CHKA: variants seen among roughly 807,000 people sequenced by gnomAD.
The protein encoded by CHKA is CHETK-alpha.
In CHKA, 34 loss-of-function variants were observed where a neutral mutation model predicts 60.1. The ratio of observed to expected loss-of-function variants is 0.57; its 90% CI spans 0.43 to 0.75. CHKA has a LOEUF of 0.75. CHKA is among the 30% of genes least tolerant of loss of function. The pLI is 0.00. For synonymous variants in CHKA, 217 were observed against 223.1 expected (o/e 0.97, Z 0.24); for missense variants, 563 against 561.3 (o/e 1.00, Z -0.03).
rs577313470 is a variant in CHKA, at chr11:68,078,443, G to A, written c.516+2961C>T. ...AGATTTGGCAATATGGAACCTGTTG[G>A]TGACAAAAAAAAGAACAGCTTCAGA... On this transcript the variant is annotated intron_variant, in intron 3 of 11. Transcript: ENST00000265689. Among the ~76,000 whole-genome samples, 14 of 152,250 alleles carry A rather than the reference G, an allele frequency of 9.2e-5. No homozygotes were observed. The South Asian group carries it at 2.1e-3, about 23-fold the overall frequency.
intron 4 of CHKA, among the ~76,000 whole-genome samples, 200 bp from the exon 5 acceptor site, chr11:68,071,057 G>A (rs755907632): frequency 1.3e-5 from 2 of 152,174 alleles, no homozygotes; most frequent in Non-Finnish European, 2.9e-5. Flanking sequence ...GTGAGGAGCC[G>A]GCCACCTCCA....
intron 11 of CHKA, chr11:68,061,376 G>A (rs997229176): frequency 5.4e-6 from 1 of 186,090 alleles, no homozygotes; most frequent in South Asian, 1.0e-4. Flanking sequence ...GAAGTGCTGG[G>A]ATTACAGGCG....
intron 1 of CHKA, among the ~76,000 whole-genome samples, chr11:68,104,148 G>A (rs908059269): frequency 6.6e-6 from 1 of 152,090 alleles, no homozygotes; most frequent in Admixed American, 6.6e-5. Context: ...ATCCTATTAA[G>A]CCTTATAAAA....
At chr11:68,054,956 GTC>G (rs1050538097) in intron 11 of CHKA, among the ~76,000 whole-genome samples, 94 of 152,316 alleles carry the variant, frequency 6.2e-4, no homozygotes, top group African/African-American at 2.1e-3. Context: ...TCAGCGTGCT[GTC>G]TCTGAGTGGC....
chr11:68,072,755 G>A (rs1043998511), intron 4 of CHKA, among the ~76,000 whole-genome samples: 1 of 152,078 alleles, frequency 6.6e-6, no homozygotes, highest in East Asian at 1.9e-4. Context: ...GACTTAGGAG[G>A]CTGAGACAGG....
chr11:68,083,875 G>A (rs372343861), intron 2 of CHKA, among the ~76,000 whole-genome samples: 6 of 152,182 alleles, frequency 3.9e-5, no homozygotes, highest in African/African-American at 9.6e-5. Context: ...AGTGTAAGAC[G>A]AGGAAATCTC....
chr11:68,076,076 A>C (rs534685745), intron 3 of CHKA, among the ~76,000 whole-genome samples: 8 of 152,360 alleles, frequency 5.3e-5, no homozygotes, highest in Middle Eastern at 3.4e-3. Context: ...CATTAAAGCA[A>C]AAAGTATTTT....
intron 4 of CHKA, among the ~76,000 whole-genome samples, chr11:68,072,245 C>G (rs960323606): frequency 6.6e-6 from 1 of 152,116 alleles, no homozygotes; most frequent in Non-Finnish European, 1.5e-5. Flanking sequence ...TGATCCCAAG[C>G]AGTGAAGAGT....
chr11:68,081,704 C>T (rs1856995296), intron 2 of CHKA: 4 of 406,866 alleles, frequency 9.8e-6, no homozygotes, highest in Non-Finnish European at 1.8e-5. Context: ...GATAGCTGCA[C>T]GTCTCACAGC....
chr11:68,104,326 G>A (rs1857837058), intron 1 of CHKA, among the ~76,000 whole-genome samples: 1 of 152,120 alleles, frequency 6.6e-6, no homozygotes, highest in South Asian at 2.1e-4. Context: ...CAGAGGCGAG[G>A]GGAGGGGAGA....
chr11:68,109,468 AC>A (rs1009759582), intron 1 of CHKA, among the ~76,000 whole-genome samples: 1 of 152,040 alleles, frequency 6.6e-6, no homozygotes, highest in African/African-American at 2.4e-5. Context: ...CCAGTGTCTA[AC>A]CTGTTGGGAT....
chr11:68,061,033 A>G (rs532920961), intron 11 of CHKA, among the ~76,000 whole-genome samples: 1 of 148,776 alleles, frequency 6.7e-6, no homozygotes, highest in East Asian at 2.0e-4. Context: ...TTCATTCACT[A>G]TGGAACAACA....
chr11:68,064,598 G>C lies in CHKA; in HGVS notation c.1159C>G (p.Gln387Glu). 1 of 1,595,096 alleles carries C rather than the reference G, an allele frequency of 6.3e-7. No individual in the cohort carries two copies. Among genetic ancestry groups the C allele is most frequent in the Non-Finnish European group, 8.5e-7 (1 of 1,172,804 alleles). Residue 387 changes from glutamine (Q) to glutamate (E), a missense_variant, in exon 10 of 12, where the codon CAA becomes GAA. Coordinates refer to ENST00000265689, the MANE Select transcript of CHKA (RefSeq NM_001277.3). ...HFISSYLPAF[Q>E]NDFENLSTEE... ...GTACTGAGGTTTTCAAAGTCATTTT[G>C]GAATGCAGGCAAGTAACTGGAAATA...
intron 2 of CHKA, among the ~76,000 whole-genome samples, chr11:68,094,849 A>C (rs1467172466): frequency 6.6e-6 from 1 of 152,224 alleles, no homozygotes; most frequent in Non-Finnish European, 1.5e-5. Flanking sequence ...TTTAGATCTT[A>C]ACCATTTCCA....
chr11:68,082,259 C>T (rs1423207229), intron 2 of CHKA, among the ~76,000 whole-genome samples: 3 of 151,768 alleles, frequency 2.0e-5, no homozygotes, highest in Non-Finnish European at 2.9e-5. Flanking sequence ...AGCAACCCCC[C>T]ACCCCAAATG....
At position 68,066,449 on chromosome 11, in the gene CHKA, T is replaced by C; in HGVS notation, c.996A>G (p.Glu332=). ...EKQKLMLIDF[E]YSSYNYRGFD... ...AGTACCTGTAATTGTAACTGCTGTATTCGAAATCAATGAGCATCAGTTTCT... is the reference window on the plus strand; with the variant it reads ...AGTACCTGTAATTGTAACTGCTGTACTCGAAATCAATGAGCATCAGTTTCT... The change falls in exon 8 of 12, where the codon GAA becomes GAG. Residue 332 remains glutamate, a synonymous_variant. Coordinates refer to ENST00000265689, the MANE Select transcript of CHKA (RefSeq NM_001277.3). The C allele has an allele frequency of 1.2e-6, 2 of 1,613,784 alleles. No homozygotes were observed. Among genetic ancestry groups the C allele is most frequent in the Non-Finnish European group, 8.5e-7 (1 of 1,179,608 alleles).
chr11:68,062,162 A>G (rs1667046970), intron 10 of CHKA, 128 bp from the exon 11 acceptor site: 1 of 659,972 alleles, frequency 1.5e-6, no homozygotes, highest in Non-Finnish European at 2.7e-6. Context: ...TTGGCAAATC[A>G]TGGGTCTATA....
chr11:68,121,087 GCGCCGGGGCCGCGCTGC>G lies in CHKA; in HGVS notation c.74_90del (p.Gly25AlafsTer91). ...GCGTCGCGCTGCTGCCCCACGCCGG[GCGCCGGGGCCGCGCTGC>G]CGCTACCGCAGCTCAGCAGCAGCCC... On this transcript the variant is annotated frameshift_variant, in exon 1 of 12. Transcript: ENST00000265689. LOFTEE classifies it high-confidence loss of function. The G allele has an allele frequency of 8.8e-7, 1 of 1,141,052 alleles. No individual in the cohort carries two copies. Among genetic ancestry groups the G allele is most frequent in the East Asian group, 4.5e-5 (1 of 22,116 alleles). 70.7% of individuals were successfully genotyped at this position (1,141,052 alleles called of 1,614,324 possible). A position where few individuals can be genotyped will look rare whatever the true frequency, so the allele number is the denominator to read the frequency against.
intron 2 of CHKA, among the ~76,000 whole-genome samples, chr11:68,084,320 A>G (rs1222844865): frequency 2.8e-5 from 4 of 140,576 alleles, no homozygotes; most frequent in African/African-American, 1.1e-4. Context: ...ACATGTGTAT[A>G]TATATACACA....
Sources: gnomAD v4.1 joint callset for allele counts (sites outside exome capture counted in the v4.1 genomes callset) on GRCh38, gnomAD v4.1.1 for gene constraint, MANE v1.5 for transcripts, NCBI Gene and HGNC (gene_info 2026-07-23, HGNC 2026-07-21) for gene names.